Variants in WDR11 observed in about 807,000 individuals in gnomAD.
WDR11 encodes WD repeat domain 11.
A neutral mutation model predicts 151.2 loss-of-function variants in WDR11; 83 were observed. The ratio of observed to expected loss-of-function variants is 0.55; its 90% CI spans 0.46 to 0.66. The LOEUF (loss-of-function observed/expected upper bound fraction) is 0.66. Ranked by LOEUF, WDR11 falls within the 30% of genes least tolerant of loss-of-function variation. The pLI, the probability that WDR11 is intolerant of heterozygous loss-of-function variation, is 0.00. For missense variants in WDR11, 1,301 were observed against 1,480.9 expected (o/e 0.88, Z 1.99); for synonymous variants, 484 against 533.1 (o/e 0.91, Z 1.27).
intron 14 of WDR11, among the ~76,000 whole-genome samples, chr10:120,884,155 G>A (rs1847128652): frequency 6.6e-6 from 1 of 152,082 alleles, no homozygotes; most frequent in Non-Finnish European, 1.5e-5. Context: ...GTTTATGAAA[G>A]AATAAAGGTC....
intron 16 of WDR11, among the ~76,000 whole-genome samples, chr10:120,888,484 T>C (rs1847301558): frequency 6.6e-6 from 1 of 152,230 alleles, no homozygotes; most frequent in Non-Finnish European, 1.5e-5. Context: ...TTAGATTGAC[T>C]ACAGCAGCAT....
intron 5 of WDR11, among the ~76,000 whole-genome samples, chr10:120,864,316 T>C (rs1846239280): frequency 6.6e-6 from 1 of 152,200 alleles, no homozygotes; most frequent in Non-Finnish European, 1.5e-5. Flanking sequence ...TTAATAAAAT[T>C]ATGTTTGTAA....
At position 120,871,332 on chromosome 10, in the gene WDR11, C is replaced by T. The variant is rs1443762766; in HGVS notation, c.1457C>T (p.Pro486Leu). 4.3e-6 allele frequency: 7 copies of T among 1,613,934 alleles called. 1 individual carries two copies. The South Asian group carries it at 6.6e-5, about 15-fold the overall frequency. The change falls in exon 10 of 29, where the codon CCA becomes CTA. Residue 486 changes from proline to leucine, a missense_variant. Pro to Leu is a moderately conservative substitution (Grantham distance 98). Transcript: ENST00000263461. ...ACAAAAAACATCAAGATGTATCAGC[C>T]ACTGCTGGCTGTTGGTGAGTATTTG... ...LTTKNIKMYQ[P>L]LLAVGTSNGS...
chr10:120,865,023 C>G (rs746684881), intron 5 of WDR11, 24 bp from the exon 6 acceptor site: 9 of 1,612,850 alleles, frequency 5.6e-6, no homozygotes, highest in Non-Finnish European at 7.6e-6. Flanking sequence ...GTCTTTGACC[C>G]AAGTGAATGT....
intron 23 of WDR11, 39 bp from the exon 24 acceptor site, chr10:120,904,008 A>G: frequency 7.3e-7 from 1 of 1,364,986 alleles, no homozygotes; most frequent in Admixed American, 1.7e-5. Context: ...CCAAACTCTT[A>G]TAATCCAGGC....
At chr10:120,906,343 G>C (rs1017181213) in intron 27 of WDR11, 2 of 1,263,760 alleles carry the variant, frequency 1.6e-6, no homozygotes, top group African/African-American at 3.0e-5. Flanking sequence ...CAGAGAGCAG[G>C]GGGAGAGGCG....
At chr10:120,854,905 A>C (rs1845896518) in intron 2 of WDR11, among the ~76,000 whole-genome samples, 1 of 152,210 alleles carries the variant, frequency 6.6e-6, no homozygotes, top group South Asian at 2.1e-4. Flanking sequence ...CTTATCCAGA[A>C]GGGAAATGTT....
At chr10:120,877,009 A>G (rs1846816641) in intron 11 of WDR11, among the ~76,000 whole-genome samples, 1 of 152,204 alleles carries the variant, frequency 6.6e-6, no homozygotes, top group Non-Finnish European at 1.5e-5. Flanking sequence ...ATGTTGGCTG[A>G]GCCAAGATTT....
rs757531968 is a variant in WDR11, at chr10:120,903,201, A to G, written c.2900A>G (p.Tyr967Cys). The part of the protein sequence containing the change: ...DKLSNPLDIC[Y>C]DVLCENAYFQ... ...CTGAGCAACCCACTGGATATATGCTATGACGTGCTCTGTGAAAATGCCTAC... is the reference window on the plus strand; with the variant it reads ...CTGAGCAACCCACTGGATATATGCTGTGACGTGCTCTGTGAAAATGCCTAC... The change falls in exon 23 of 29, where the codon TAT becomes TGT. Residue 967 changes from tyrosine (Y) to cysteine (C), a missense_variant. Tyr to Cys is a radical substitution (Grantham distance 194). Coordinates refer to ENST00000263461, the MANE Select transcript of WDR11 (RefSeq NM_018117.12). The G allele has an allele frequency of 3.1e-6, 5 of 1,614,246 alleles. No homozygotes were observed. Among genetic ancestry groups the G allele is most frequent in the South Asian group, 2.2e-5 (2 of 91,086 alleles).
chr10:120,899,566 T>C (rs11199634), intron 19 of WDR11, among the ~76,000 whole-genome samples: 47,110 of 151,792 alleles, frequency 0.31, 7,606 homozygotes, highest in East Asian at 0.42. Flanking sequence ...GCAGATCACC[T>C]GAGGTCAGGA....
chr10:120,866,464 GA>G, intron 7 of WDR11, 104 bp from the exon 8 acceptor site: 1 of 1,296,886 alleles, frequency 7.7e-7, no homozygotes, highest in Non-Finnish European at 1.1e-6. Context: ...TTGCATTCAT[GA>G]AGGAGTGATG....
intron 14 of WDR11, 57 bp downstream of exon 14, chr10:120,883,945 T>C: frequency 2.1e-6 from 3 of 1,440,536 alleles, no homozygotes; most frequent in Admixed American, 3.5e-5. Flanking sequence ...ATGTGGTGAA[T>C]GTTTTGCTTA....
chr10:120,908,298 T>TA, intron 28 of WDR11: 1 of 489,756 alleles, frequency 2.0e-6, no homozygotes, highest in Non-Finnish European at 3.7e-6. Context: ...TGGTTGGGTC[T>TA]TCTGGAAGGA....
chr10:120,885,829 CACA>C lies in WDR11; in HGVS notation c.1867_1869del (p.Asn623del). 1 of 1,613,762 alleles carries C rather than the reference CACA, an allele frequency of 6.2e-7. No homozygotes were observed. The highest frequency in any genetic ancestry group is 8.5e-7 in the Non-Finnish European group (1 of 1,179,774). ...TGCTTTACAGGAGTGGTCACCATCTCACAACTTGAAGAGCCTGAGAAAGAAGCA... is the reference window on the plus strand; with the variant it reads ...TGCTTTACAGGAGTGGTCACCATCTCACTTGAAGAGCCTGAGAAAGAAGCA... On this transcript the variant is annotated inframe_deletion, in exon 15 of 29. Transcript: ENST00000263461.
At chr10:120,878,207 G>A (rs1846868040) in intron 11 of WDR11, 146 bp from the exon 12 acceptor site, 2 of 629,064 alleles carry the variant, frequency 3.2e-6, no homozygotes, top group Non-Finnish European at 2.8e-6. Context: ...CAAATAAAAG[G>A]TCATGTTAAG....
Position 120,885,954 on chromosome 10 carries a change from T to C in WDR11, c.1973+16T>C, listed in dbSNP as rs766639579. ...CTGTGATCAGGTACAGTACAGTGTT[T>C]CTTGACACTGTCATTTGTGCCATTA... On this transcript the variant is annotated intron_variant, in intron 15 of 28. Transcript: ENST00000263461. 1 of 1,612,812 alleles carries C rather than the reference T, an allele frequency of 6.2e-7. No homozygotes were observed.
chr10:120,903,729 A>T (rs1847927228), intron 23 of WDR11, among the ~76,000 whole-genome samples: 1 of 152,186 alleles, frequency 6.6e-6, no homozygotes, highest in African/African-American at 2.4e-5. Flanking sequence ...TACTTTATAC[A>T]CTTGGTTTGA....
At position 120,851,407 on chromosome 10, in the gene WDR11, G is replaced by T. The variant is rs763350368; in HGVS notation, c.-14G>T. The T allele has an allele frequency of 1.2e-6, 2 of 1,605,508 alleles. No individual in the cohort carries two copies. The highest frequency in any genetic ancestry group is 1.1e-5 in the South Asian group (1 of 89,246). On this transcript the variant is annotated 5_prime_UTR_variant, in exon 1 of 29. Transcript: ENST00000263461. Reference sequence around the variant, plus strand: ...GTTGCGGGTCAGCGCCCAGGTCCTGGGCTGGCCGCCGGGATGTTGCCCTAC... The same window carrying T: ...GTTGCGGGTCAGCGCCCAGGTCCTGTGCTGGCCGCCGGGATGTTGCCCTAC...
intron 10 of WDR11, among the ~76,000 whole-genome samples, chr10:120,873,191 T>G (rs1378371237): frequency 6.6e-6 from 1 of 152,198 alleles, no homozygotes; most frequent in African/African-American, 2.4e-5. Context: ...ATTACTGTGC[T>G]TAGTGCTTTA....
Sources: gnomAD v4.1 joint callset for allele counts (sites outside exome capture counted in the v4.1 genomes callset) on GRCh38, gnomAD v4.1.1 for gene constraint, MANE v1.5 for transcripts, NCBI Gene and HGNC (gene_info 2026-07-23, HGNC 2026-07-21) for gene names.